The following INPP4B variants were observed in gnomAD, a reference collection of about 807,000 sequenced individuals.
INPP4B encodes inositol polyphosphate-4-phosphatase type II B.
In INPP4B, 55 loss-of-function variants were observed where a neutral mutation model predicts 122.5. The observed-to-expected ratio is 0.45, with a 90% confidence interval of 0.36 to 0.56. INPP4B has a LOEUF of 0.56. Among genes scored for constraint, INPP4B ranks in the 20% least tolerant of loss-of-function variants. The pLI is 0.00. For synonymous variants in INPP4B, 403 were observed against 388.7 expected (o/e 1.04, Z -0.43); for missense variants, 1,000 against 1,097.7 (o/e 0.91, Z 1.26).
rs1425532 is a variant in INPP4B at position 142,501,857 on chromosome 4, G to T, written c.-190-39131C>A. 4.4e-3 allele frequency among the ~76,000 whole-genome samples: 665 copies of T among 152,098 alleles called. 4 individuals carry two copies. Among genetic ancestry groups the T allele is most frequent in the African/African-American group, 0.015 (639 of 41,512 alleles). ...AAAGAAAAAGTTACCTAAGAAAAAA[G>T]AATACCGGACCATGAAATGGAGTAG... On this transcript the variant is annotated intron_variant, in intron 2 of 25. Transcript: ENST00000262992.
chr4:142,347,222 A>AT (rs1183788409), intron 7 of INPP4B, among the ~76,000 whole-genome samples: 10 of 152,070 alleles, frequency 6.6e-5, no homozygotes, highest in Non-Finnish European at 1.2e-4. Flanking sequence ...TAAATAAAAG[A>AT]TGATGTCAAC....
chr4:142,091,447 T>C (rs2152565758), intron 23 of INPP4B, among the ~76,000 whole-genome samples: 1 of 152,318 alleles, frequency 6.6e-6, no homozygotes, highest in East Asian at 1.9e-4. Context: ...GGCTACATTA[T>C]TAAATTCTGT....
chr4:142,681,872 T>C (rs1443184), intron 2 of INPP4B, among the ~76,000 whole-genome samples: 129,950 of 151,826 alleles, frequency 0.86, 55,680 homozygotes, highest in African/African-American at 0.9. Flanking sequence ...ATAAATATGG[T>C]TGGCAGATAT....
chr4:142,815,566 T>G (rs1389619389), intron 1 of INPP4B, among the ~76,000 whole-genome samples: 2 of 152,254 alleles, frequency 1.3e-5, no homozygotes, highest in African/African-American at 4.8e-5. Context: ...ATTCATTCTT[T>G]TAAACGTAAG....
At chr4:142,541,640 CAGTG>C (rs904540381) in intron 2 of INPP4B, among the ~76,000 whole-genome samples, 1 of 152,134 alleles carries the variant, frequency 6.6e-6, no homozygotes, top group Admixed American at 6.5e-5. Flanking sequence ...TCTTCTTTGC[CAGTG>C]AGTAAGATGC....
intron 2 of INPP4B, among the ~76,000 whole-genome samples, chr4:142,720,950 T>G (rs991755898): frequency 9.7e-5 from 14 of 143,956 alleles, no homozygotes; most frequent in East Asian, 6.1e-4. Context: ...ATCATATATA[T>G]AGAGAGAGAG....
chr4:142,573,182 A>G (rs1053875930), intron 2 of INPP4B, among the ~76,000 whole-genome samples: 1 of 151,960 alleles, frequency 6.6e-6, no homozygotes, highest in African/African-American at 2.4e-5. Flanking sequence ...ATACCTTTAA[A>G]CAACCAGATC....
chr4:142,529,829 A>T (rs1827371539), intron 2 of INPP4B, among the ~76,000 whole-genome samples: 1 of 152,104 alleles, frequency 6.6e-6, no homozygotes, highest in South Asian at 2.1e-4. Context: ...TGGGTGAGAG[A>T]ATGTTTGTTT....
intron 2 of INPP4B, among the ~76,000 whole-genome samples, chr4:142,648,460 C>T (rs1752265546): frequency 1.3e-5 from 2 of 152,224 alleles, no homozygotes; most frequent in South Asian, 4.1e-4. Flanking sequence ...CAGGACACTC[C>T]TGTATGAATA....
rs374060329 is a variant in INPP4B, at chr4:142,352,675, C to T, written c.373-37913G>A. Among the ~76,000 whole-genome samples the T allele has an allele frequency of 2.3e-4, 35 of 151,884 alleles. No individual in the cohort carries two copies. The East Asian group carries it at 3.7e-3, about 16-fold the overall frequency. Reference sequence around the variant, plus strand: ...AAGTAAGAAATGAGAAAAACAGAAACCCTTCCACCTCTCTAATTACATTTT... The same window carrying T: ...AAGTAAGAAATGAGAAAAACAGAAATCCTTCCACCTCTCTAATTACATTTT... On this transcript the variant is annotated intron_variant, in intron 7 of 25. Coordinates refer to ENST00000262992, the MANE Select transcript of INPP4B (RefSeq NM_001101669.3).
chr4:142,841,541 A>G (rs1465725621), intron 1 of INPP4B, among the ~76,000 whole-genome samples: 1 of 151,956 alleles, frequency 6.6e-6, no homozygotes, highest in Non-Finnish European at 1.5e-5. Flanking sequence ...TATTCTAAGA[A>G]CTAAGGTGAA....
intron 8 of INPP4B, chr4:142,305,966 C>G (rs1396827246): frequency 1.7e-5 from 17 of 995,382 alleles, no homozygotes; most frequent in Non-Finnish European, 2.0e-5. Flanking sequence ...TTAGTTGGAG[C>G]TATTTTTATG....
At position 142,127,510 on chromosome 4, in the gene INPP4B, G is replaced by A. The variant is rs560093762; in HGVS notation, c.1721-2750C>T. Among the ~76,000 whole-genome samples the A allele has an allele frequency of 1.1e-4, 17 of 151,636 alleles. No individual in the cohort carries two copies. The South Asian group carries it at 3.3e-3, about 30-fold the overall frequency. On this transcript the variant is annotated intron_variant, in intron 18 of 25. Transcript: ENST00000262992. The stretch of plus-strand genomic sequence containing the variant: ...ACAAGTCTGGTTTCCAGTTTCACTA[G>A]ATTGGAAGTGGAAACCCAGGATAAA...
In INPP4B at chr4:142,405,244, G is replaced by T. The variant is rs747337414; in HGVS notation, c.217C>A (p.Gln73Lys). 5.0e-6 allele frequency: 8 copies of T among 1,612,364 alleles called. No individual in the cohort carries two copies. The highest frequency in any genetic ancestry group is 6.8e-6 in the Non-Finnish European group (8 of 1,178,836). Reference protein sequence around the residue: ...VQISVIHPVEQSLTRYSSTEI... With the variant: ...VQISVIHPVEKSLTRYSSTEI... ...GTGCTGGAGTATCTTGTCAGACTCT[G>T]CTCCACGGGGTGGATTACGGAGATC... Residue 73 changes from glutamine to lysine, a missense_variant, in exon 6 of 26, where the codon CAG (glutamine) becomes AAG (lysine). Coordinates refer to ENST00000262992, the MANE Select transcript of INPP4B (RefSeq NM_001101669.3).
chr4:142,330,559 A>G (rs1774096481), intron 7 of INPP4B, among the ~76,000 whole-genome samples: 1 of 152,138 alleles, frequency 6.6e-6, no homozygotes, highest in South Asian at 2.1e-4. Context: ...ACGCGCACGC[A>G]CACACACACA....
intron 23 of INPP4B, among the ~76,000 whole-genome samples, chr4:142,090,654 C>A (rs1049221688): frequency 1.3e-5 from 2 of 151,812 alleles, no homozygotes; most frequent in African/African-American, 4.8e-5. Flanking sequence ...TATTCTAACA[C>A]AAAATTTAGA....
intron 2 of INPP4B, among the ~76,000 whole-genome samples, chr4:142,547,142 T>A (rs1319321439): frequency 9.9e-5 from 15 of 151,860 alleles, no homozygotes; most frequent in Non-Finnish European, 2.9e-5. Flanking sequence ...TTTTTTTTTT[T>A]TTACTTTCCC....
intron 7 of INPP4B, among the ~76,000 whole-genome samples, chr4:142,323,379 A>C (rs1165945886): frequency 6.6e-6 from 1 of 151,772 alleles, no homozygotes; most frequent in African/African-American, 2.4e-5. Flanking sequence ...TAATGAGAAC[A>C]GGTCTTCATT....
chr4:142,427,398 A>C, intron 5 of INPP4B: 1 of 492,838 alleles, frequency 2.0e-6, no homozygotes, highest in East Asian at 3.3e-5. Context: ...TAAAAAAAGA[A>C]ATTGAAGTTT....
Sources: gnomAD v4.1 joint callset for allele counts (sites outside exome capture counted in the v4.1 genomes callset) on GRCh38, gnomAD v4.1.1 for gene constraint, MANE v1.5 for transcripts, NCBI Gene and HGNC (gene_info 2026-07-23, HGNC 2026-07-21) for gene names.